The following STK32C variants were observed in gnomAD, a reference collection of about 807,000 sequenced individuals.
STK32C encodes serine/threonine-protein kinase 32C.
A neutral mutation model predicts 56.5 loss-of-function variants in STK32C; 31 were observed. The observed-to-expected ratio is 0.55, with a 90% CI of 0.41 to 0.74. The LOEUF (loss-of-function observed/expected upper bound fraction) is 0.74. Among genes scored for constraint, STK32C ranks in the 30% least tolerant of loss-of-function variants. STK32C has a pLI of 0.00. For missense variants in STK32C, 544 were observed against 676.9 expected, an observed-to-expected ratio of 0.80 and a Z score of 2.18; for synonymous variants, 309 against 289.4, an observed-to-expected ratio of 1.07 and a Z score of -0.69.
chr10:132,252,711 G>A (rs2063952546), intron 1 of STK32C, among the ~76,000 whole-genome samples: 1 of 152,238 alleles, frequency 6.6e-6, no homozygotes, highest in Non-Finnish European at 1.5e-5. Flanking sequence ...TTGGCCAAAG[G>A]GCCACAGACA....
intron 1 of STK32C, among the ~76,000 whole-genome samples, chr10:132,263,823 G>A (rs942740845): frequency 2.1e-5 from 3 of 143,484 alleles, no homozygotes; most frequent in Admixed American, 1.5e-4. Flanking sequence ...CTGAGATTGT[G>A]CCACTGCACT....
In STK32C at chr10:132,300,465, G is replaced by A. The variant is rs368439161; in HGVS notation, c.262+7107C>T. 1.2e-3 allele frequency among the ~76,000 whole-genome samples: 180 copies of A among 152,328 alleles called. 2 individuals are homozygous for A. The highest frequency in any genetic ancestry group is 3.7e-3 in the African/African-American group (154 of 41,572). On this transcript the variant is annotated intron_variant, in intron 1 of 11. Transcript: ENST00000298630. ...AAGCCAGGCCAGGGCAAGCACCTCC[G>A]TCTGCACTCCTGCCCAGCCATGCTG...
chr10:132,239,348 C>G (rs1282600328), intron 2 of STK32C, among the ~76,000 whole-genome samples: 2 of 152,122 alleles, frequency 1.3e-5, no homozygotes, highest in African/African-American at 4.8e-5. Flanking sequence ...CCTCCCCAAG[C>G]TGGGGGAGCC....
chr10:132,273,845 C>T (rs796913889), intron 1 of STK32C, among the ~76,000 whole-genome samples: 10,870 of 115,154 alleles, frequency 0.094, 441 homozygotes, highest in African/African-American at 0.15. Context: ...AGTGAATGAA[C>T]GCACAGTGAG....
At chr10:132,254,078 G>A (rs1323169911) in intron 1 of STK32C, among the ~76,000 whole-genome samples, 2 of 152,242 alleles carry the variant, frequency 1.3e-5, no homozygotes, top group African/African-American at 4.8e-5. Context: ...GGGAGGCCGA[G>A]GCAGGTGGAT....
chr10:132,252,749 C>A (rs756238573), intron 1 of STK32C, among the ~76,000 whole-genome samples: 5 of 152,252 alleles, frequency 3.3e-5, no homozygotes, highest in Non-Finnish European at 7.3e-5. Flanking sequence ...CAAATGCATT[C>A]GAATCCAGGG....
At chr10:132,249,612 G>A (rs574547808) in intron 1 of STK32C, among the ~76,000 whole-genome samples, 65 of 152,176 alleles carry the variant, frequency 4.3e-4, no homozygotes, top group Admixed American at 1.9e-3. Context: ...GGGGCTGACC[G>A]GCATCGTGGC....
intron 1 of STK32C, among the ~76,000 whole-genome samples, chr10:132,278,961 C>T (rs2065071382): frequency 6.6e-6 from 1 of 152,214 alleles, no homozygotes; most frequent in South Asian, 2.1e-4. Flanking sequence ...CTGCCTCAGT[C>T]CCCATTTAAC....
At chr10:132,210,158 C>T (rs370641010) in intron 10 of STK32C, among the ~76,000 whole-genome samples, 1 of 152,242 alleles carries the variant, frequency 6.6e-6, no homozygotes, top group African/African-American at 2.4e-5. Flanking sequence ...TGCGTTCACC[C>T]GAGACGGACA....
chr10:132,211,206 C>A lies in STK32C; in HGVS notation c.1252-2105G>T, dbSNP rs372776619. Among the ~76,000 whole-genome samples the A allele has an allele frequency of 7.9e-5, 12 of 152,292 alleles. No homozygotes were observed. The East Asian group carries it at 1.4e-3, about 17-fold the overall frequency. The stretch of plus-strand genomic sequence containing the variant: ...CTGGTCTAACCCTGATATAGACAGA[C>A]AAGTCTGCAAACTCGGGCCGGCCTG... On this transcript the variant is annotated intron_variant, in intron 10 of 11. Coordinates refer to ENST00000298630, the MANE Select transcript of STK32C (RefSeq NM_173575.4).
intron 1 of STK32C, among the ~76,000 whole-genome samples, chr10:132,266,709 G>T (rs1318771356): frequency 3.3e-5 from 5 of 151,930 alleles, no homozygotes; most frequent in South Asian, 4.2e-4. Flanking sequence ...GGGCGTGGGT[G>T]GGGGAGGCGC....
chr10:132,306,310 G>C (rs954323145), intron 1 of STK32C, among the ~76,000 whole-genome samples: 30 of 152,242 alleles, frequency 2.0e-4, no homozygotes, highest in Admixed American at 3.3e-4. Context: ...TCAGCTCCTA[G>C]TTCACTCTGG....
At position 132,225,515 on chromosome 10, in the gene STK32C, G is replaced by A. The variant is rs771886088; in HGVS notation, c.772+12C>T. The A allele has an allele frequency of 8.1e-6, 13 of 1,613,628 alleles. No homozygotes were observed. The East Asian group carries it at 1.3e-4, about 17-fold the overall frequency. On this transcript the variant is annotated intron_variant, in intron 6 of 11. Coordinates refer to ENST00000298630, the MANE Select transcript of STK32C (RefSeq NM_173575.4). ...AAGCCAGCTCCCATCTGGAACCCCA[G>A]CTCGGGCTCACCCATGTACGGCTTG...
intron 2 of STK32C, among the ~76,000 whole-genome samples, chr10:132,236,237 C>T (rs1164845621): frequency 1.3e-5 from 2 of 152,230 alleles, no homozygotes; most frequent in African/African-American, 4.8e-5. Context: ...GCCTGGTCAG[C>T]GAAGGGACGT....
In STK32C at chr10:132,244,324, G is replaced by T. The variant is rs141399470; in HGVS notation, c.318+1576C>A. ...TCCACAGCCGCCCATTTCTGGGCCA[G>T]CTGGCGTTTCCGAGCCTCTTAAGGA... On this transcript the variant is annotated intron_variant, in intron 2 of 11. Coordinates refer to ENST00000298630, the MANE Select transcript of STK32C (RefSeq NM_173575.4). Among the ~76,000 whole-genome samples the T allele has an allele frequency of 2.5e-3, 377 of 152,350 alleles. 2 individuals carry two copies. Among genetic ancestry groups the T allele is most frequent in the African/African-American group, 8.6e-3 (356 of 41,590 alleles).
intron 2 of STK32C, among the ~76,000 whole-genome samples, chr10:132,236,347 T>A (rs888738790): frequency 6.6e-6 from 1 of 152,134 alleles, no homozygotes; most frequent in Non-Finnish European, 1.5e-5. Flanking sequence ...CAACCTGTCA[T>A]GAGGTTCGCA....
intron 1 of STK32C, among the ~76,000 whole-genome samples, chr10:132,271,192 G>T (rs1360676371): frequency 1.3e-5 from 2 of 152,168 alleles, no homozygotes; most frequent in Admixed American, 6.5e-5. Flanking sequence ...CATGGCTGGG[G>T]ACTGTGGCAT....
At chr10:132,211,328 G>A (rs900940025) in intron 10 of STK32C, among the ~76,000 whole-genome samples, 1 of 152,238 alleles carries the variant, frequency 6.6e-6, no homozygotes, top group Non-Finnish European at 1.5e-5. Context: ...AGGTGGGAGG[G>A]GCTGGGGTGG....
intron 2 of STK32C, among the ~76,000 whole-genome samples, chr10:132,232,850 C>T (rs965881353): frequency 2.6e-5 from 4 of 152,072 alleles, no homozygotes; most frequent in African/African-American, 9.7e-5. Context: ...CACAGCGCCA[C>T]CCGGAACAGG....
Sources: allele counts gnomAD v4.1 joint callset (sites outside exome capture counted in the v4.1 genomes callset), GRCh38; gene constraint gnomAD v4.1.1; transcripts MANE v1.5; gene names NCBI Gene and HGNC (gene_info 2026-07-23, HGNC 2026-07-21).